GRM7: variants seen among roughly 807,000 people sequenced by gnomAD.
The protein encoded by GRM7 is metabotropic glutamate receptor 7.
GRM7 carries 35 observed loss-of-function variants against 84.5 expected under a neutral mutation model. The ratio of observed to expected loss-of-function variants is 0.41; its 90% CI spans 0.32 to 0.55. GRM7 has a LOEUF of 0.55. Among genes scored for constraint, GRM7 ranks in the 20% least tolerant of loss-of-function variants. The pLI, the probability that GRM7 is intolerant of heterozygous loss-of-function variation, is 0.19. For missense variants in GRM7, 1,003 were observed against 1,194.6 expected (o/e 0.84, Z 2.36); for synonymous variants, 487 against 455.1 (o/e 1.07, Z -0.89).
At chr3:7,238,246 C>T (rs1316470048) in intron 2 of GRM7, among the ~76,000 whole-genome samples, 1 of 152,158 alleles carries the variant, frequency 6.6e-6, no homozygotes, top group East Asian at 1.9e-4. Context: ...CCAACAAGCC[C>T]AGGCCACACT....
intron 1 of GRM7, among the ~76,000 whole-genome samples, chr3:7,141,762 C>T (rs1574954378): frequency 6.6e-6 from 1 of 151,200 alleles, no homozygotes; most frequent in African/African-American, 2.4e-5. Flanking sequence ...AGAAGATACA[C>T]CCTGAAGACC....
chr3:7,665,308 A>T (rs911586663), intron 8 of GRM7, among the ~76,000 whole-genome samples: 23 of 151,302 alleles, frequency 1.5e-4, no homozygotes, highest in African/African-American at 5.6e-4. Context: ...AGTAGCTGGG[A>T]CTACAGGTGC....
intron 2 of GRM7, among the ~76,000 whole-genome samples, chr3:7,152,469 C>T (rs1349192238): frequency 6.6e-6 from 1 of 152,202 alleles, no homozygotes; most frequent in Non-Finnish European, 1.5e-5. Flanking sequence ...TTGACATCTG[C>T]TTTAATCTCC....
At chr3:7,032,943 T>C (rs1228966434) in intron 1 of GRM7, among the ~76,000 whole-genome samples, 1 of 152,172 alleles carries the variant, frequency 6.6e-6, no homozygotes, top group East Asian at 1.9e-4. Context: ...TTCTCAAGGA[T>C]TGCCATAACA....
At chr3:7,002,303 C>G (rs762577079) in intron 1 of GRM7, among the ~76,000 whole-genome samples, 4 of 152,134 alleles carry the variant, frequency 2.6e-5, no homozygotes, top group Non-Finnish European at 5.9e-5. Context: ...CTTTATTAGA[C>G]TTGGGTTCCT....
At chr3:7,090,740 A>T (rs961599856) in intron 1 of GRM7, among the ~76,000 whole-genome samples, 1 of 152,204 alleles carries the variant, frequency 6.6e-6, no homozygotes, top group African/African-American at 2.4e-5. Flanking sequence ...CTAGAAACCA[A>T]TGATAGATAA....
intron 7 of GRM7, among the ~76,000 whole-genome samples, chr3:7,503,858 C>A (rs3804940): frequency 0.25 from 37,714 of 152,006 alleles, 5,422 homozygotes; most frequent in East Asian, 0.57. Context: ...GAATGCAGAG[C>A]TAAGGCAACT....
chr3:7,129,837 G>A (rs542441580), intron 1 of GRM7, among the ~76,000 whole-genome samples: 7 of 152,186 alleles, frequency 4.6e-5, no homozygotes, highest in African/African-American at 1.7e-4. Context: ...TCAAGCAATT[G>A]TTATTTTTAT....
chr3:7,657,035 A>G (rs182779647), intron 8 of GRM7, among the ~76,000 whole-genome samples: 174 of 152,330 alleles, frequency 1.1e-3, no homozygotes, highest in African/African-American at 4.0e-3. Flanking sequence ...ACACACTCAT[A>G]TGACTAATAA....
chr3:7,083,312 G>C (rs1004939200), intron 1 of GRM7, among the ~76,000 whole-genome samples: 1 of 152,140 alleles, frequency 6.6e-6, no homozygotes, highest in African/African-American at 2.4e-5. Context: ...ATGATTGTTA[G>C]CATTATTTAG....
chr3:7,149,231 A>G (rs1439646790), intron 2 of GRM7, among the ~76,000 whole-genome samples: 2 of 152,132 alleles, frequency 1.3e-5, no homozygotes, highest in African/African-American at 2.4e-5. Flanking sequence ...GTGTGGAGTA[A>G]GTCTACTCAG....
At position 7,298,846 on chromosome 3, in the gene GRM7, T is replaced by C. The variant is rs764143092; in HGVS notation, c.878+21T>C. The C allele has an allele frequency of 2.5e-6, 4 of 1,604,280 alleles. No individual in the cohort carries two copies. In the Admixed American group the frequency reaches 6.7e-5, roughly 27 times the overall value. The stretch of plus-strand genomic sequence containing the variant: ...ATAAAGTAAGAATAACTGGTGACAA[T>C]TGTTAATATGCATGTTGCAATTTTA... On this transcript the variant is annotated intron_variant, in intron 3 of 9. Transcript: ENST00000357716.
chr3:7,640,734 A>G (rs1698328658), intron 8 of GRM7, among the ~76,000 whole-genome samples: 1 of 152,292 alleles, frequency 6.6e-6, no homozygotes, highest in East Asian at 1.9e-4. Flanking sequence ...ATCTAATGGG[A>G]CTTGGAAAAC....
At chr3:7,512,926 A>G (rs1334682545) in intron 7 of GRM7, among the ~76,000 whole-genome samples, 1 of 152,164 alleles carries the variant, frequency 6.6e-6, no homozygotes, top group Non-Finnish European at 1.5e-5. Context: ...ATCAACATGG[A>G]GAAGGCAGGA....
chr3:7,515,917 G>T (rs1470552610), intron 7 of GRM7, among the ~76,000 whole-genome samples: 2 of 151,898 alleles, frequency 1.3e-5, no homozygotes, highest in Admixed American at 6.6e-5. Flanking sequence ...CAGAGACAGG[G>T]GAATCCTTTG....
At chr3:7,287,174 C>T (rs1198031601) in intron 2 of GRM7, among the ~76,000 whole-genome samples, 1 of 152,084 alleles carries the variant, frequency 6.6e-6, no homozygotes, top group African/African-American at 2.4e-5. Flanking sequence ...AGTATACTAA[C>T]GTCATCTGGA....
At chr3:7,683,559 C>T (rs1000312044) in intron 9 of GRM7, among the ~76,000 whole-genome samples, 2 of 152,016 alleles carry the variant, frequency 1.3e-5, no homozygotes, top group African/African-American at 4.8e-5. Context: ...TTCTGATGAC[C>T]CAACTCTCAA....
chr3:7,494,999 AG>A (rs1167761640), intron 7 of GRM7, among the ~76,000 whole-genome samples: 3 of 152,166 alleles, frequency 2.0e-5, no homozygotes, highest in Admixed American at 2.0e-4. Flanking sequence ...TTAGTATGAC[AG>A]GTGATTTTCA....
intron 8 of GRM7, among the ~76,000 whole-genome samples, chr3:7,623,957 C>A (rs879726810): frequency 6.6e-6 from 1 of 152,026 alleles, no homozygotes; most frequent in Non-Finnish European, 1.5e-5. Context: ...GCTAGCATTC[C>A]GGAGAGTAGA....
Sources: gnomAD v4.1 joint callset for allele counts (sites outside exome capture counted in the v4.1 genomes callset) on GRCh38, gnomAD v4.1.1 for gene constraint, MANE v1.5 for transcripts, NCBI Gene and HGNC (gene_info 2026-07-23, HGNC 2026-07-21) for gene names.